The following GRIPAP1 variants were observed in gnomAD, a reference collection of about 807,000 sequenced individuals.
GRIPAP1 encodes GRIP1 associated protein 1, also known as GRIP1-associated protein 1.
In GRIPAP1, 14 loss-of-function variants were observed where a neutral mutation model predicts 84.1. The observed-to-expected ratio is 0.17, with a 90% CI of 0.11 to 0.26. The LOEUF is 0.26. Ranked by LOEUF, GRIPAP1 falls within the 10% of genes least tolerant of loss-of-function variation. GRIPAP1 has a pLI of 1.00. For synonymous variants in GRIPAP1, 261 were observed against 256.8 expected (o/e 1.02, Z -0.15); for missense variants, 518 against 674.2 (o/e 0.77, Z 2.57).
Position 48,973,822 on chromosome X carries a change from C to T in GRIPAP1, c.*371G>A, listed in dbSNP as rs1479004132. The T allele has an allele frequency of 1.6e-5, 2 of 123,764 alleles. No individual in the cohort carries two copies. Among genetic ancestry groups the T allele is most frequent in the Non-Finnish European group, 3.3e-5 (2 of 61,317 alleles). The allele number at this position is 123,764 out of a possible 1,213,427, so 10.2% of individuals were successfully genotyped here. The stretch of plus-strand genomic sequence containing the variant: ...GAACGCTGAACATGGACCACACACC[C>T]ACCCAGCATCCCCAATCCCAAATGC... On this transcript the variant is annotated 3_prime_UTR_variant, in exon 26 of 26. Coordinates refer to ENST00000376423, the MANE Select transcript of GRIPAP1 (RefSeq NM_020137.5).
intron 1 of GRIPAP1, among the ~76,000 whole-genome samples, 168 bp downstream of exon 1, chrX:49,002,020 C>A (rs963015910): frequency 2.7e-5 from 3 of 110,796 alleles, no homozygotes; most frequent in Non-Finnish European, 5.7e-5. Context: ...CAGAGTATCT[C>A]GGAATCCAAT....
At chrX:48,989,908 TG>T (rs2064511096) in intron 9 of GRIPAP1, 26 bp from the exon 10 acceptor site, 2 of 1,205,442 alleles carry the variant, frequency 1.7e-6, no homozygotes, top group Admixed American at 4.4e-5. Flanking sequence ...CAGATGTAGA[TG>T]GGTCAGTTCC....
At chrX:48,998,488 C>T (rs1355322632) in intron 3 of GRIPAP1, among the ~76,000 whole-genome samples, 3 of 111,236 alleles carry the variant, frequency 2.7e-5, no homozygotes, top group African/African-American at 9.8e-5. Flanking sequence ...TGGTATTTAA[C>T]CATTTATGGG....
intron 4 of GRIPAP1, chrX:48,997,886 A>G (rs1429104466): frequency 5.1e-6 from 2 of 391,886 alleles, no homozygotes; most frequent in Non-Finnish European, 8.8e-6. Context: ...GATTGGGAAG[A>G]GAAATGAGTC....
chrX:48,987,442 C>CTTTTTTTTT (rs782089098), intron 13 of GRIPAP1, among the ~76,000 whole-genome samples: 1 of 83,183 alleles, frequency 1.2e-5, no homozygotes, highest in Non-Finnish European at 2.4e-5. Flanking sequence ...CCACCACGCC[C>CTTTTTTTTT]TTTTTTTTTT....
At chrX:48,987,954 GACACACACACACACACACACACACACAC>G (rs781921365) in intron 12 of GRIPAP1, 77 bp from the exon 13 acceptor site, 7 of 358,381 alleles carry the variant, frequency 2.0e-5, no homozygotes, top group East Asian at 9.9e-5. Context: ...AGAAAGAAAG[GACACACACACACACACACACACACACAC>G]ACACACACAC....
At position 48,978,286 on chromosome X, in the gene GRIPAP1, G is replaced by T; in HGVS notation, c.2061+19C>A. The T allele has an allele frequency of 8.3e-7, 1 of 1,207,495 alleles. No homozygotes were observed. The highest frequency in any genetic ancestry group is 1.7e-5 in the African/African-American group (1 of 57,836). ...GGGTTGAGAGAAGCTGGAGCTGTAGGTTCTTCCTTTCCCCTTACCCTGGCT... is the reference window on the plus strand; with the variant it reads ...GGGTTGAGAGAAGCTGGAGCTGTAGTTTCTTCCTTTCCCCTTACCCTGGCT... On this transcript the variant is annotated intron_variant, in intron 22 of 25. Transcript: ENST00000376423.
At chrX:48,997,164 G>C (rs782496420) in intron 5 of GRIPAP1, 86 bp downstream of exon 5, 30 of 569,892 alleles carry the variant, frequency 5.3e-5, no homozygotes, top group Admixed American at 1.4e-4. Flanking sequence ...GCCAGACCCT[G>C]TCCAATCACT....
intron 21 of GRIPAP1, among the ~76,000 whole-genome samples, chrX:48,979,666 C>T (rs1332453275): frequency 2.8e-5 from 3 of 105,466 alleles, no homozygotes; most frequent in Non-Finnish European, 5.8e-5. Flanking sequence ...GGCTGGAGTA[C>T]AATGGCGCAA....
Position 48,998,189 on chromosome X carries a change from G to A in GRIPAP1, c.172-9C>T, listed in dbSNP as rs2064558048. 8.5e-7 allele frequency: 1 copy of A among 1,178,509 alleles called. No homozygotes were observed. Among genetic ancestry groups the A allele is most frequent in the Non-Finnish European group, 1.2e-6 (1 of 867,239 alleles). On this transcript the variant is annotated splice_polypyrimidine_tract_variant and intron_variant, in intron 3 of 25. Coordinates refer to ENST00000376423, the MANE Select transcript of GRIPAP1 (RefSeq NM_020137.5). ...TTGCTCTTGCTCAGTGCCTAAAGTG[G>A]GGGTGGGTGGGAAGAGAGCTAAAGT...
rs1375327841 is a variant in GRIPAP1 at position 48,983,109 on chromosome X, TG to T, written c.1486-18del. ...TGTCCGGGCCTGGGATGGGGCAGAC[TG>T]TCATGGGCCAGGAAGGCAGAGGAGC... On this transcript the variant is annotated intron_variant, in intron 16 of 25. Coordinates refer to ENST00000376423, the MANE Select transcript of GRIPAP1 (RefSeq NM_020137.5). 8.7e-7 allele frequency: 1 copy of T among 1,152,803 alleles called. No individual in the cohort carries two copies. Among genetic ancestry groups the T allele is most frequent in the Non-Finnish European group, 1.2e-6 (1 of 842,271 alleles).
At chrX:48,999,133 A>G in intron 3 of GRIPAP1, 105 bp downstream of exon 3, 1 of 519,663 alleles carries the variant, frequency 1.9e-6, no homozygotes, top group South Asian at 3.1e-5. Flanking sequence ...ACAGCATGCA[A>G]CATTAGGTCT....
At chrX:48,986,197 G>A (rs1267222580) in intron 13 of GRIPAP1, among the ~76,000 whole-genome samples, 4 of 99,695 alleles carry the variant, frequency 4.0e-5, no homozygotes, top group Admixed American at 2.2e-4. Context: ...AGCCGAGATC[G>A]TGCCATAGCA....
At chrX:48,986,274 C>A (rs1444900223) in intron 13 of GRIPAP1, among the ~76,000 whole-genome samples, 2 of 107,704 alleles carry the variant, frequency 1.9e-5, no homozygotes, top group African/African-American at 3.4e-5. Context: ...ATAGGCCAAG[C>A]ACAGTGGCTC....
Position 48,983,319 on chromosome X carries a change from A to AC in GRIPAP1, c.1393dup (p.Val465GlyfsTer6). On this transcript the variant is annotated frameshift_variant, in exon 16 of 26. Coordinates refer to ENST00000376423, the MANE Select transcript of GRIPAP1 (RefSeq NM_020137.5). LOFTEE classifies it high-confidence loss of function. ...GAGCTCACGCTCATAGCGGGCACGCACCCCCAGCACCTCCTTCTCATGCCG... is the reference window on the plus strand; with the variant it reads ...GAGCTCACGCTCATAGCGGGCACGCACCCCCCAGCACCTCCTTCTCATGCCG... 1 of 1,211,045 alleles carries AC rather than the reference A, an allele frequency of 8.3e-7. No homozygotes were observed. The highest frequency in any genetic ancestry group is 1.1e-6 in the Non-Finnish European group (1 of 894,866).
At chrX:48,975,607 G>T in intron 24 of GRIPAP1, 1 of 331,400 alleles carries the variant, frequency 3.0e-6, no homozygotes. Context: ...GATTAATAAA[G>T]AAAAATCTGT....
chrX:48,985,521 G>C, intron 13 of GRIPAP1, 119 bp from the exon 14 acceptor site: 1 of 560,013 alleles, frequency 1.8e-6, no homozygotes, highest in East Asian at 3.4e-5. Flanking sequence ...ACCAGGAAGA[G>C]AGAGGAAATT....
intron 3 of GRIPAP1, 80 bp downstream of exon 3, chrX:48,999,158 G>A: frequency 1.5e-6 from 1 of 662,089 alleles, no homozygotes; most frequent in Non-Finnish European, 2.4e-6. Flanking sequence ...CACTGTAGGT[G>A]CTCACTGGAG....
At position 48,981,411 on chromosome X, in the gene GRIPAP1, C is replaced by T; in HGVS notation, c.1830+5G>A. 1 of 1,209,528 alleles carries T rather than the reference C, an allele frequency of 8.3e-7. No individual in the cohort carries two copies. The highest frequency in any genetic ancestry group is 1.8e-5 in the South Asian group (1 of 56,406). On this transcript the variant is annotated splice_donor_5th_base_variant and intron_variant, in intron 20 of 25. Coordinates refer to ENST00000376423, the MANE Select transcript of GRIPAP1 (RefSeq NM_020137.5). ...GAGCCGTGCTTGGGCACCGCTCTGT[C>T]TTACCGCAGCACTGCCCTTCTTCTC...
Sources: allele counts gnomAD v4.1 joint callset (sites outside exome capture counted in the v4.1 genomes callset), GRCh38; gene constraint gnomAD v4.1.1; transcripts MANE v1.5; gene names NCBI Gene and HGNC (gene_info 2026-07-23, HGNC 2026-07-21).